CACNA1B: variants seen among roughly 807,000 people sequenced by gnomAD.
The protein encoded by CACNA1B is calcium voltage-gated channel subunit alpha1 B, also known as voltage-dependent N-type calcium channel subunit alpha-1B.
Under a neutral mutation model 247.2 loss-of-function variants are expected in CACNA1B, and 70 were observed. The ratio of observed to expected loss-of-function variants is 0.28; its 90% confidence interval spans 0.23 to 0.35. The LOEUF (loss-of-function observed/expected upper bound fraction) is 0.35, where lower values mean the gene tolerates loss of function less well. Ranked by LOEUF, CACNA1B falls within the 10% of genes least tolerant of loss-of-function variation. CACNA1B has a pLI of 1.00. For missense variants in CACNA1B, 2,367 were observed against 3,197.4 expected, an observed-to-expected ratio of 0.74 and a Z score of 6.26; for synonymous variants, 1,231 against 1,294.4, an observed-to-expected ratio of 0.95 and a Z score of 1.05.
intron 20 of CACNA1B, among the ~76,000 whole-genome samples, chr9:138,033,274 CTGA>C (rs1297769369): frequency 3.9e-5 from 6 of 152,054 alleles, no homozygotes; most frequent in African/African-American, 1.4e-4. Flanking sequence ...TATTTCTTTG[CTGA>C]TAATTTTATA....
intron 3 of CACNA1B, among the ~76,000 whole-genome samples, chr9:137,900,440 G>A (rs1391775744): frequency 2.6e-5 from 4 of 151,976 alleles, no homozygotes; most frequent in East Asian, 1.9e-4. Flanking sequence ...TGTCTGCGCC[G>A]TGTGTCTCTG....
chr9:138,045,217 G>T (rs1350956339), intron 21 of CACNA1B, among the ~76,000 whole-genome samples: 1 of 152,220 alleles, frequency 6.6e-6, no homozygotes, highest in South Asian at 2.1e-4. Flanking sequence ...GGTAGGCAGA[G>T]CTGGCTGGTT....
chr9:137,937,034 T>G (rs1048921955), intron 6 of CACNA1B, among the ~76,000 whole-genome samples: 3 of 152,202 alleles, frequency 2.0e-5, no homozygotes, highest in Non-Finnish European at 4.4e-5. Flanking sequence ...ATTGGTAGCT[T>G]GATGGGGATG....
chr9:138,092,340 C>T (rs998192125), intron 36 of CACNA1B, among the ~76,000 whole-genome samples: 1 of 152,198 alleles, frequency 6.6e-6, no homozygotes, highest in African/African-American at 2.4e-5. Context: ...TGTAGGCCTA[C>T]CCCTGGGAAT....
Position 137,957,461 on chromosome 9 carries a change from C to T in CACNA1B, c.1244-137C>T, listed in dbSNP as rs770944042. ...GGACCCAAGGGGGCCCACAATCATCCGGCCTCAGCCCCAGTTCAGGACAGG... is the reference window on the plus strand; with the variant it reads ...GGACCCAAGGGGGCCCACAATCATCTGGCCTCAGCCCCAGTTCAGGACAGG... On this transcript the variant is annotated intron_variant, in intron 9 of 46. Coordinates refer to ENST00000371372, the MANE Select transcript of CACNA1B (RefSeq NM_000718.4). This position sits in a 1 kb window ranked among gnomAD's most constrained non-coding sequence, Gnocchi z 4.7. The T allele has an allele frequency of 3.6e-5, 18 of 497,974 alleles. No homozygotes were observed. Among genetic ancestry groups the T allele is most frequent in the South Asian group, 8.6e-5 (2 of 23,276 alleles). The allele number at this position is 497,974 out of a possible 1,614,324, so 30.8% of individuals were successfully genotyped here. A position where few individuals can be genotyped will look rare whatever the true frequency, so the allele number is the denominator to read the frequency against.
rs1417331615 is a variant in CACNA1B, at chr9:137,929,522, T to C, written c.966+12091T>C. On this transcript the variant is annotated intron_variant, in intron 6 of 46. Transcript: ENST00000371372. ...GTGAGCCAGGATAGCGCCACTGCAC[T>C]CTAGCCTGTGTAACAGAGGGAGACC... Among the ~76,000 whole-genome samples, 3 of 152,024 alleles carry C rather than the reference T, an allele frequency of 2.0e-5. No homozygotes were observed. In the East Asian group the frequency reaches 5.8e-4, roughly 29 times the overall value.
intron 1 of CACNA1B, among the ~76,000 whole-genome samples, chr9:137,878,470 C>T (rs993559736): frequency 6.6e-6 from 1 of 152,114 alleles, no homozygotes; most frequent in African/African-American, 2.4e-5. Flanking sequence ...GGATCCTGGT[C>T]GGTGCACAGT....
At position 138,120,642 on chromosome 9, in the gene CACNA1B, G is replaced by T; in HGVS notation, c.6250G>T (p.Ala2084Ser). The T allele has an allele frequency of 6.7e-7, 1 of 1,502,984 alleles. No homozygotes were observed. Among genetic ancestry groups the T allele is most frequent in the Non-Finnish European group, 8.8e-7 (1 of 1,131,924 alleles). 93.1% of individuals were successfully genotyped at this position (1,502,984 alleles called of 1,614,324 possible). A position where few individuals can be genotyped will look rare whatever the true frequency, so the allele number is the denominator to read the frequency against. ...TCTTCCCTGGCCAGCACCAAGCAGT[G>T]CTGTGGGGCCGGGGCTGCCCCCGGG... ...SADMDGAPSSAVGPGLPPGEG... is the reference protein window; with the variant it reads ...SADMDGAPSSSVGPGLPPGEG... The change falls in exon 46 of 47, where the codon GCT becomes TCT. Residue 2084 changes from alanine (A) to serine (S), a missense_variant. Coordinates refer to ENST00000371372, the MANE Select transcript of CACNA1B (RefSeq NM_000718.4).
chr9:138,069,624 G>T (rs1589109736), intron 31 of CACNA1B, 134 bp from the exon 32 acceptor site: 1 of 685,396 alleles, frequency 1.5e-6, no homozygotes, highest in East Asian at 2.7e-5. Flanking sequence ...TAACCTACCT[G>T]CTGACTCACG....
At chr9:138,109,548 A>G (rs1474940157) in intron 39 of CACNA1B, among the ~76,000 whole-genome samples, 1 of 152,144 alleles carries the variant, frequency 6.6e-6, no homozygotes, top group Admixed American at 6.5e-5. Context: ...GGTGTCTCCT[A>G]TGAGACCACT....
intron 40 of CACNA1B, among the ~76,000 whole-genome samples, chr9:138,112,908 G>A (rs528255769): frequency 6.9e-5 from 10 of 145,350 alleles, no homozygotes; most frequent in South Asian, 6.7e-4. Flanking sequence ...TTCATCTTGC[G>A]GGAGACGTGA....
Position 138,123,560 on chromosome 9 carries a change from ATGTGTGTGTGTGTGTGTG to A in CACNA1B, c.*1573_*1590del, listed in dbSNP as rs5901129. On this transcript the variant is annotated 3_prime_UTR_variant, in exon 47 of 47. Coordinates refer to ENST00000371372, the MANE Select transcript of CACNA1B (RefSeq NM_000718.4). ...ATTCTCCTCAAAGAAATTGTGTGTG[ATGTGTGTGTGTGTGTGTG>A]TGTGTGTGTGTCTGTGTCACAGGAG... 2 of 149,474 alleles carry A rather than the reference ATGTGTGTGTGTGTGTGTG, an allele frequency of 1.3e-5. No homozygotes were observed. The highest frequency in any genetic ancestry group is 3.9e-4 in the East Asian group (2 of 5,098). 9.3% of individuals were successfully genotyped at this position (149,474 alleles called of 1,614,324 possible). A position where few individuals can be genotyped will look rare whatever the true frequency, so the allele number is the denominator to read the frequency against.
rs1184394983 is a variant in CACNA1B, at chr9:138,045,675, GC to G, written c.3414-1228del. ...GGTGGACTTAGGATCTGAGCTGGGG[GC>G]TAGAGCTGAGTGCCAGAAACCCAGA... On this transcript the variant is annotated intron_variant, in intron 21 of 46. Transcript: ENST00000371372. Among the ~76,000 whole-genome samples the G allele has an allele frequency of 2.6e-5, 4 of 152,154 alleles. No homozygotes were observed. The East Asian group carries it at 7.7e-4, about 29-fold the overall frequency.
chr9:138,121,498 G>T lies in CACNA1B; in HGVS notation c.6519G>T (p.Leu2173Phe). 1 of 1,538,316 alleles carries T rather than the reference G, an allele frequency of 6.5e-7. No individual in the cohort carries two copies. The highest frequency in any genetic ancestry group is 1.4e-5 in the African/African-American group (1 of 71,986). Residue 2173 changes from leucine to phenylalanine, a missense_variant, in exon 47 of 47, where the codon TTG (leucine) becomes TTT (phenylalanine). Leu to Phe is a conservative substitution (Grantham distance 22, BLOSUM62 0). Around this residue, in one of 12 missense-constraint regions of CACNA1B, gnomAD observed 773 missense variants for 779.4 expected, o/e 0.99. Transcript: ENST00000371372. This position sits in a 1 kb window ranked among gnomAD's most constrained non-coding sequence, Gnocchi z 6.8. ...GTGGTTCCGTGAATGGGAGCCCCTT[G>T]CTGTCAACATCTGGTGCTAGCACCC... ...QGSGSVNGSP[L>F]LSTSGASTPG...
At chr9:138,095,918 G>A (rs965950277) in intron 36 of CACNA1B, among the ~76,000 whole-genome samples, 1 of 144,212 alleles carries the variant, frequency 6.9e-6, no homozygotes, top group African/African-American at 2.5e-5. Context: ...GAAACAGAAA[G>A]GAGATTGGTG....
chr9:138,033,713 C>A (rs1959010812), intron 20 of CACNA1B, among the ~76,000 whole-genome samples: 1 of 152,208 alleles, frequency 6.6e-6, no homozygotes, highest in Non-Finnish European at 1.5e-5. Context: ...GAGAAGCAGG[C>A]ACCTTCTTCA....
chr9:137,979,349 G>A (rs992502531), intron 12 of CACNA1B, among the ~76,000 whole-genome samples: 2 of 152,196 alleles, frequency 1.3e-5, no homozygotes, highest in African/African-American at 4.8e-5. Flanking sequence ...CGAGTTCCTG[G>A]TCATGTGGCC....
Position 138,124,273 on chromosome 9 carries a change from G to A in CACNA1B, c.*2274G>A, listed in dbSNP as rs1382648693. 1 of 152,064 alleles carries A rather than the reference G, an allele frequency of 6.6e-6. No individual in the cohort carries two copies. The highest frequency in any genetic ancestry group is 1.5e-5 in the Non-Finnish European group (1 of 68,036). 9.4% of individuals were successfully genotyped at this position (152,064 alleles called of 1,614,324 possible). ...TAGTTTGAACAAGTTATGTGTGCAT[G>A]TAACATATATACATATATACATATA... On this transcript the variant is annotated 3_prime_UTR_variant, in exon 47 of 47. Transcript: ENST00000371372.
At position 138,121,843 on chromosome 9, in the gene CACNA1B, G is replaced by A. The variant is rs1368182717; in HGVS notation, c.6864G>A (p.Ser2288=). ...TCGAGGAGGCTGTGGCCACCAACTC[G>A]GGCCGCTCCTCCAGGACTTCCTACG... ...LTFEEAVATN[S]GRSSRTSYVS... is the part of the protein sequence containing the mutation. Residue 2288 remains serine (S), a synonymous_variant, in exon 47 of 47, where the codon TCG becomes TCA. Transcript: ENST00000371372. This position sits in a 1 kb window ranked among gnomAD's most constrained non-coding sequence, Gnocchi z 6.8. 1.1e-5 allele frequency: 18 copies of A among 1,613,142 alleles called. No individual in the cohort carries two copies. The highest frequency in any genetic ancestry group is 1.4e-5 in the Non-Finnish European group (17 of 1,179,854).
Sources: gnomAD v4.1 joint callset for allele counts (sites outside exome capture counted in the v4.1 genomes callset) on GRCh38, gnomAD v4.1.1 for gene constraint, gnomAD v4.1.1 regional missense constraint, Gnocchi (gnomAD v3.1) non-coding constraint, MANE v1.5 for transcripts, NCBI Gene and HGNC (gene_info 2026-07-23, HGNC 2026-07-21) for gene names.